BNC2: variants seen among roughly 807,000 people sequenced by gnomAD.
BNC2 encodes the protein zinc finger protein basonuclin-2.
BNC2 carries 20 observed loss-of-function variants against 76.3 expected under a neutral mutation model. That is an observed-to-expected ratio of 0.26 (90% confidence interval 0.18 to 0.38). The LOEUF is 0.38. BNC2 is among the 10% of genes least tolerant of loss of function. The pLI, the probability that BNC2 is intolerant of heterozygous loss-of-function variation, is 1.00. For synonymous variants in BNC2, 582 were observed against 514.8 expected (o/e 1.13, Z -1.77); for missense variants, 1,382 against 1,399.8 (o/e 0.99, Z 0.20).
At chr9:16,497,239 G>A (rs1273599119) in intron 5 of BNC2, among the ~76,000 whole-genome samples, 1 of 152,160 alleles carries the variant, frequency 6.6e-6, no homozygotes, top group East Asian at 1.9e-4. Flanking sequence ...TATGATGTAG[G>A]CCTAATTTCT....
intron 5 of BNC2, among the ~76,000 whole-genome samples, chr9:16,515,298 C>T (rs1244752139): frequency 1.3e-5 from 2 of 152,214 alleles, no homozygotes; most frequent in African/African-American, 2.4e-5. Context: ...TGCATCCCTG[C>T]GCCCGGTGAG....
At chr9:16,567,653 C>T (rs1470557747) in intron 4 of BNC2, among the ~76,000 whole-genome samples, 1 of 152,012 alleles carries the variant, frequency 6.6e-6, no homozygotes, top group Admixed American at 6.6e-5. Flanking sequence ...TTTCACTGAT[C>T]CTACAAAATT....
chr9:16,441,630 T>G (rs1407471131), intron 5 of BNC2, among the ~76,000 whole-genome samples: 3 of 152,244 alleles, frequency 2.0e-5, no homozygotes, highest in Non-Finnish European at 2.9e-5. Flanking sequence ...ATATTGCTAT[T>G]CAAAAATGGA....
Position 16,522,908 on chromosome 9 carries a change from A to G in BNC2, c.669+29622T>C, listed in dbSNP as rs1817663615. On this transcript the variant is annotated intron_variant, in intron 5 of 6. Coordinates refer to ENST00000380672, the MANE Select transcript of BNC2 (RefSeq NM_017637.6). The stretch of plus-strand genomic sequence containing the variant: ...TGTCCAGAAAAGTATAAAGTCATCT[A>G]TCAAGCCTAAAACCATGATGGGAAA... 2.6e-5 allele frequency among the ~76,000 whole-genome samples: 4 copies of G among 152,170 alleles called. 1 individual carries two copies. Among genetic ancestry groups the G allele is most frequent in the Admixed American group, 6.5e-5 (1 of 15,276 alleles).
chr9:16,608,422 C>T (rs1820443458), intron 3 of BNC2, among the ~76,000 whole-genome samples: 1 of 151,906 alleles, frequency 6.6e-6, no homozygotes, highest in Non-Finnish European at 1.5e-5. Context: ...TATTAAACTC[C>T]CTGCTCCTTA....
chr9:16,704,053 C>T (rs1401765522), intron 3 of BNC2, among the ~76,000 whole-genome samples: 1 of 152,134 alleles, frequency 6.6e-6, no homozygotes, highest in Non-Finnish European at 1.5e-5. Context: ...TATATCCTTT[C>T]TTAGGTCATC....
At chr9:16,690,103 T>C (rs1025022484) in intron 3 of BNC2, among the ~76,000 whole-genome samples, 8 of 152,164 alleles carry the variant, frequency 5.3e-5, no homozygotes, top group African/African-American at 9.7e-5. Flanking sequence ...TTCTCTACCA[T>C]GGGACCCCAG....
rs187948468 is a variant in BNC2 at position 16,593,485 on chromosome 9, A to T, written c.331-10400T>A. On this transcript the variant is annotated intron_variant, in intron 3 of 6. Coordinates refer to ENST00000380672, the MANE Select transcript of BNC2 (RefSeq NM_017637.6). Reference sequence around the variant, plus strand: ...GGATATAGCCAATTATATAAGGAAAATACCCATGCTTCTATGGCATCAAAG... The same window carrying T: ...GGATATAGCCAATTATATAAGGAAATTACCCATGCTTCTATGGCATCAAAG... Among the ~76,000 whole-genome samples, 380 of 152,182 alleles carry T rather than the reference A, an allele frequency of 2.5e-3. 3 individuals carry two copies. The highest frequency in any genetic ancestry group is 2.6e-3 in the Non-Finnish European group (175 of 67,980).
intron 3 of BNC2, among the ~76,000 whole-genome samples, chr9:16,612,210 C>T (rs781651446): frequency 6.6e-6 from 1 of 152,132 alleles, no homozygotes; most frequent in Non-Finnish European, 1.5e-5. Flanking sequence ...AGAAACCATG[C>T]AATCCTCCAG....
intron 5 of BNC2, among the ~76,000 whole-genome samples, chr9:16,532,466 T>C (rs368802929): frequency 5.3e-5 from 8 of 152,120 alleles, no homozygotes; most frequent in Admixed American, 2.0e-4. Context: ...TCTCCTACAA[T>C]AGACACTGAC....
chr9:16,690,483 A>T (rs930276569), intron 3 of BNC2, among the ~76,000 whole-genome samples: 1 of 152,112 alleles, frequency 6.6e-6, no homozygotes, highest in Admixed American at 6.5e-5. Context: ...ACATACATAC[A>T]TACTAACGAC....
At chr9:16,634,561 G>A (rs2133780256) in intron 3 of BNC2, among the ~76,000 whole-genome samples, 1 of 149,478 alleles carries the variant, frequency 6.7e-6, no homozygotes, top group East Asian at 2.0e-4. Context: ...GAGTGCAGTG[G>A]CGCAATCTCT....
intron 5 of BNC2, among the ~76,000 whole-genome samples, chr9:16,538,626 C>G (rs1390717410): frequency 6.6e-6 from 1 of 152,066 alleles, no homozygotes; most frequent in Admixed American, 6.6e-5. Flanking sequence ...TGCTGCTTAC[C>G]TTCTATAATC....
chr9:16,437,101 CATT>C lies in BNC2; in HGVS notation c.1090_1092del (p.Asn364del). 1 of 1,614,154 alleles carries C rather than the reference CATT, an allele frequency of 6.2e-7. No individual in the cohort carries two copies. Among genetic ancestry groups the C allele is most frequent in the Non-Finnish European group, 8.5e-7 (1 of 1,180,044 alleles). ...GGAGAAACTTCGGATTCGCTGCTCT[CATT>C]ATATTCATTCTGAGTTGAAAGGCTG... On this transcript the variant is annotated inframe_deletion, in exon 6 of 7. Transcript: ENST00000380672.
intron 4 of BNC2, among the ~76,000 whole-genome samples, chr9:16,558,701 C>T (rs1040699312): frequency 7.9e-5 from 12 of 152,132 alleles, no homozygotes; most frequent in South Asian, 2.1e-4. Context: ...GAGGTTGAGG[C>T]GGGCGGATCA....
chr9:16,715,970 G>C (rs1032547513), intron 3 of BNC2, among the ~76,000 whole-genome samples: 2 of 152,124 alleles, frequency 1.3e-5, no homozygotes, highest in African/African-American at 4.8e-5. Context: ...GCAAACCAAA[G>C]GAAACTCATT....
rs1204789303 is a variant in BNC2 at position 16,409,685 on chromosome 9, A to T, written c.*9304T>A. The T allele has an allele frequency of 1.3e-5, 2 of 152,670 alleles. No individual in the cohort carries two copies. Among genetic ancestry groups the T allele is most frequent in the Non-Finnish European group, 2.9e-5 (2 of 68,044 alleles). The allele number at this position is 152,670 out of a possible 1,614,324, so 9.5% of individuals were successfully genotyped here. A position where few individuals can be genotyped will look rare whatever the true frequency, so the allele number is the denominator to read the frequency against. On this transcript the variant is annotated 3_prime_UTR_variant, in exon 7 of 7. Transcript: ENST00000380672. ...AATACAACCAAAGTAACAGCAAATT[A>T]AAAAATTTAATTACCTTAGCCTACC... is the stretch of plus-strand genomic sequence containing the variant.
At chr9:16,597,841 T>A (rs1820135119) in intron 3 of BNC2, among the ~76,000 whole-genome samples, 1 of 152,050 alleles carries the variant, frequency 6.6e-6, no homozygotes, top group Non-Finnish European at 1.5e-5. Flanking sequence ...TTTATTTATT[T>A]ATCGTATAAA....
chr9:16,435,448 G>C, intron 6 of BNC2, 107 bp downstream of exon 6: 1 of 1,344,936 alleles, frequency 7.4e-7, no homozygotes, highest in Non-Finnish European at 1.1e-6. Context: ...AATCTTTACA[G>C]TGCACCAAAA....
Sources: allele counts gnomAD v4.1 joint callset (sites outside exome capture counted in the v4.1 genomes callset), GRCh38; gene constraint gnomAD v4.1.1; transcripts MANE v1.5; gene names NCBI Gene and HGNC (gene_info 2026-07-23, HGNC 2026-07-21).